The following LARGE1 variants were observed in gnomAD, a reference collection of about 807,000 sequenced individuals.
LARGE1 encodes xylosyl- and glucuronyltransferase LARGE1.
LARGE1 carries 43 observed loss-of-function variants against 87.6 expected under a neutral mutation model. The observed-to-expected ratio is 0.49, with a 90% confidence interval of 0.38 to 0.63. LARGE1 has a LOEUF of 0.63. Ranked by LOEUF, LARGE1 falls within the 30% of genes least tolerant of loss-of-function variation. The pLI, the probability that LARGE1 is intolerant of heterozygous loss-of-function variation, is 0.00. For synonymous variants in LARGE1, 434 were observed against 394.6 expected, an observed-to-expected ratio of 1.10 and a Z score of -1.18; for missense variants, 802 against 1,000.2, an observed-to-expected ratio of 0.80 and a Z score of 2.67.
chr22:33,581,669 G>A (rs1480054800), intron 5 of LARGE1, among the ~76,000 whole-genome samples: 8 of 151,904 alleles, frequency 5.3e-5, no homozygotes, highest in Non-Finnish European at 1.2e-4. Flanking sequence ...AAAATTAGCC[G>A]GGGGTGGTGG....
At chr22:33,486,306 G>T (rs1284050647) in intron 6 of LARGE1, among the ~76,000 whole-genome samples, 1 of 152,192 alleles carries the variant, frequency 6.6e-6, no homozygotes, top group African/African-American at 2.4e-5. Context: ...TGAAGTTCCT[G>T]GGGCTCTAGA....
intron 9 of LARGE1, among the ~76,000 whole-genome samples, chr22:33,377,450 C>T (rs1257869649): frequency 6.6e-6 from 1 of 152,194 alleles, no homozygotes; most frequent in African/African-American, 2.4e-5. Flanking sequence ...CCTGGGTATG[C>T]ACATAGTTTG....
intron 13 of LARGE1, among the ~76,000 whole-genome samples, chr22:33,280,549 AGT>A (rs1930240302): frequency 2.0e-5 from 3 of 152,182 alleles, no homozygotes; most frequent in Non-Finnish European, 2.9e-5. Context: ...CAGCTGGGTC[AGT>A]TCTAGTCATC....
chr22:33,715,238 C>G (rs2082874563), intron 2 of LARGE1, among the ~76,000 whole-genome samples: 1 of 152,214 alleles, frequency 6.6e-6, no homozygotes, highest in Non-Finnish European at 1.5e-5. Flanking sequence ...CCAGAGTTAC[C>G]TGCCTATCAC....
At chr22:33,472,533 G>C (rs1344535132) in intron 6 of LARGE1, among the ~76,000 whole-genome samples, 1 of 152,088 alleles carries the variant, frequency 6.6e-6, no homozygotes, top group East Asian at 1.9e-4. Context: ...GATGCCATTG[G>C]CTAAATTTAG....
chr22:33,342,626 T>C (rs148098557), intron 9 of LARGE1, among the ~76,000 whole-genome samples: 4 of 152,192 alleles, frequency 2.6e-5, no homozygotes, highest in Non-Finnish European at 4.4e-5. Flanking sequence ...CAACATCACA[T>C]GGTGAGTCTG....
intron 1 of LARGE1, among the ~76,000 whole-genome samples, chr22:33,816,677 T>TGG (rs368463783): frequency 7.3e-5 from 9 of 123,744 alleles, no homozygotes; most frequent in South Asian, 3.3e-4. Context: ...GATGGATGGA[T>TGG]AGATAGATAG....
At chr22:33,347,642 G>A (rs1260724819) in intron 9 of LARGE1, among the ~76,000 whole-genome samples, 2 of 152,104 alleles carry the variant, frequency 1.3e-5, no homozygotes, top group Non-Finnish European at 2.9e-5. Flanking sequence ...TGTCATCTTC[G>A]GGATTATGAC....
At chr22:33,391,764 C>CTTT (rs1569122061) in intron 7 of LARGE1, among the ~76,000 whole-genome samples, 1 of 141,874 alleles carries the variant, frequency 7.0e-6, no homozygotes. Context: ...TTTCCTTTTT[C>CTTT]CTTTTTTTTT....
intron 5 of LARGE1, among the ~76,000 whole-genome samples, chr22:33,578,128 G>C (rs2078406255): frequency 6.6e-6 from 1 of 152,130 alleles, no homozygotes; most frequent in African/African-American, 2.4e-5. Flanking sequence ...CCAACAACAG[G>C]CCTTTACTGT....
chr22:33,190,303 A>G (rs902045085), intron 11 of LARGE1, among the ~76,000 whole-genome samples: 1 of 152,126 alleles, frequency 6.6e-6, no homozygotes, highest in African/African-American at 2.4e-5. Flanking sequence ...AAAAGAACAG[A>G]GTTTGAATAT....
chr22:33,895,069 G>A (rs932922359), intron 1 of LARGE1, among the ~76,000 whole-genome samples: 2 of 152,126 alleles, frequency 1.3e-5, no homozygotes, highest in Non-Finnish European at 2.9e-5. Context: ...AGGCAAGTGG[G>A]GGTGCTGTGG....
rs143905220 is a variant in LARGE1 at position 33,376,703 on chromosome 22, G to A, written c.1131+5216C>T. Among the ~76,000 whole-genome samples, 864 of 152,236 alleles carry A rather than the reference G, an allele frequency of 5.7e-3. 7 individuals are homozygous for A. The highest frequency in any genetic ancestry group is 0.019 in the African/African-American group (805 of 41,524). On this transcript the variant is annotated intron_variant, in intron 9 of 14. Transcript: ENST00000397394. ...ATTGCTCAAAGTCCTTATGCAAACT[G>A]TTCTTGTCACATCACTATTAATTTT... is the stretch of plus-strand genomic sequence containing the variant.
chr22:33,317,889 G>A (rs1388445969), intron 10 of LARGE1, among the ~76,000 whole-genome samples: 2 of 152,170 alleles, frequency 1.3e-5, no homozygotes, highest in Non-Finnish European at 2.9e-5. Flanking sequence ...TGACTGGAGC[G>A]ATGGGTACAT....
intron 10 of LARGE1, among the ~76,000 whole-genome samples, chr22:33,319,062 C>A (rs1936459719): frequency 6.6e-6 from 1 of 152,156 alleles, no homozygotes; most frequent in Non-Finnish European, 1.5e-5. Flanking sequence ...AAGATGATGG[C>A]ATTAATTGCT....
At chr22:33,234,379 C>A (rs1038501974) in intron 11 of LARGE1, among the ~76,000 whole-genome samples, 1 of 152,188 alleles carries the variant, frequency 6.6e-6, no homozygotes, top group Admixed American at 6.5e-5. Context: ...AAGGAACAAT[C>A]CTACCTGTCA....
intron 2 of LARGE1, among the ~76,000 whole-genome samples, chr22:33,725,252 T>C (rs5999073): frequency 0.1 from 15,571 of 151,976 alleles, 926 homozygotes; most frequent in African/African-American, 0.16. Flanking sequence ...TGCTACTGCA[T>C]GGGGCGAGGG....
intron 6 of LARGE1, among the ~76,000 whole-genome samples, chr22:33,528,344 A>G (rs569024709): frequency 6.6e-6 from 1 of 152,286 alleles, no homozygotes; most frequent in East Asian, 1.9e-4. Flanking sequence ...GGGAAAAAGG[A>G]AACAGAAATT....
At position 33,823,606 on chromosome 22, in the gene LARGE1, C is replaced by T. The variant is rs183429758; in HGVS notation, c.-82-62048G>A. Among the ~76,000 whole-genome samples the T allele has an allele frequency of 2.6e-5, 4 of 152,316 alleles. No homozygotes were observed. The East Asian group carries it at 5.8e-4, about 22-fold the overall frequency. On this transcript the variant is annotated intron_variant, in intron 1 of 14. Transcript: ENST00000397394. ...TCCGACGACATGATTTGTCCCTGTC[C>T]TTGCCCTCCGCATCTGAGGACACAG...
Sources: gnomAD v4.1 joint callset for allele counts (sites outside exome capture counted in the v4.1 genomes callset) on GRCh38, gnomAD v4.1.1 for gene constraint, MANE v1.5 for transcripts, NCBI Gene and HGNC (gene_info 2026-07-23, HGNC 2026-07-21) for gene names.